Variants in UNC5C observed in about 807,000 individuals in gnomAD.
UNC5C encodes unc-5 netrin receptor C, also known as netrin receptor UNC5C.
Under a neutral mutation model 99.8 loss-of-function variants are expected in UNC5C, and 47 were observed. That is an observed-to-expected ratio of 0.47 (90% CI 0.37 to 0.60). UNC5C has a LOEUF of 0.60. Among genes scored for constraint, UNC5C ranks in the 20% least tolerant of loss-of-function variants. The probability of loss-of-function intolerance (pLI) is 0.00; values close to 1 mark genes in which losing one functional copy is unlikely to be tolerated. For synonymous variants in UNC5C, 487 were observed against 452.2 expected (o/e 1.08, Z -0.98); for missense variants, 1,062 against 1,165.9 (o/e 0.91, Z 1.30).
intron 1 of UNC5C, among the ~76,000 whole-genome samples, chr4:95,503,418 C>A (rs768277520): frequency 3.3e-5 from 5 of 152,062 alleles, no homozygotes; most frequent in African/African-American, 4.8e-5. Context: ...ATATGTCACC[C>A]ATTTTCTTCA....
chr4:95,312,273 T>G (rs761455756), intron 2 of UNC5C, among the ~76,000 whole-genome samples: 75 of 152,112 alleles, frequency 4.9e-4, no homozygotes, highest in Non-Finnish European at 8.4e-4. Context: ...AGACTAGAGA[T>G]AAAATAGTTG....
chr4:95,333,066 A>G (rs1385656692), intron 2 of UNC5C, among the ~76,000 whole-genome samples: 2 of 152,170 alleles, frequency 1.3e-5, no homozygotes, highest in African/African-American at 4.8e-5. Flanking sequence ...AAAAGTCAGG[A>G]AGCAGTAGGT....
At chr4:95,509,221 C>A (rs953733165) in intron 1 of UNC5C, among the ~76,000 whole-genome samples, 1 of 151,510 alleles carries the variant, frequency 6.6e-6, no homozygotes, top group African/African-American at 2.4e-5. Flanking sequence ...TTTCTAGTAA[C>A]CATACATTTT....
At chr4:95,221,908 C>G (rs897593747) in intron 7 of UNC5C, among the ~76,000 whole-genome samples, 13 of 152,204 alleles carry the variant, frequency 8.5e-5, no homozygotes, top group African/African-American at 2.6e-4. Context: ...TTTTTTCAAC[C>G]CTTTCTGTTT....
intron 1 of UNC5C, among the ~76,000 whole-genome samples, chr4:95,517,242 C>T (rs1722241505): frequency 6.6e-6 from 1 of 152,160 alleles, no homozygotes; most frequent in African/African-American, 2.4e-5. Flanking sequence ...CAGAAAATCC[C>T]TGCTTCCTCC....
Position 95,447,381 on chromosome 4 carries a change from C to A in UNC5C, c.124+101353G>T, listed in dbSNP as rs368890926. On this transcript the variant is annotated intron_variant, in intron 1 of 15. Transcript: ENST00000453304. ...TTCAAAACTTCACTGAGACAAGGGC[C>A]CTGATTTATAGACAAGGAAAGTTAT... 7.9e-5 allele frequency among the ~76,000 whole-genome samples: 12 copies of A among 152,132 alleles called. No homozygotes were observed. In the East Asian group the frequency reaches 2.3e-3, roughly 29 times the overall value.
At chr4:95,199,912 A>G (rs1051367488) in intron 12 of UNC5C, among the ~76,000 whole-genome samples, 5 of 152,238 alleles carry the variant, frequency 3.3e-5, no homozygotes, top group African/African-American at 1.2e-4. Flanking sequence ...GGAATATAAA[A>G]GAAATAACCT....
chr4:95,427,273 A>T (rs1746511758), intron 1 of UNC5C, among the ~76,000 whole-genome samples: 1 of 152,214 alleles, frequency 6.6e-6, no homozygotes, highest in Non-Finnish European at 1.5e-5. Context: ...AGATGCTGTG[A>T]ATATTGTTGA....
chr4:95,440,027 C>T (rs1269015393), intron 1 of UNC5C, among the ~76,000 whole-genome samples: 4 of 152,190 alleles, frequency 2.6e-5, no homozygotes, highest in Non-Finnish European at 1.5e-5. Flanking sequence ...TTCTCTCCTG[C>T]ATTTTGTGCA....
chr4:95,337,157 A>T (rs1380383848), intron 1 of UNC5C, among the ~76,000 whole-genome samples: 4 of 152,032 alleles, frequency 2.6e-5, no homozygotes, highest in Admixed American at 2.6e-4. Flanking sequence ...TCCGCAAAAC[A>T]TGACTCAAAT....
rs530014005 is a variant in UNC5C, at chr4:95,327,092, G to T, written c.346+8318C>A. ...GACTTAATGTATTCTAACATTTCTTGCTATTAAGAACCACTAAGTCCCCAA... is the reference window on the plus strand; with the variant it reads ...GACTTAATGTATTCTAACATTTCTTTCTATTAAGAACCACTAAGTCCCCAA... On this transcript the variant is annotated intron_variant, in intron 2 of 15. Coordinates refer to ENST00000453304, the MANE Select transcript of UNC5C (RefSeq NM_003728.4). 3.9e-5 allele frequency among the ~76,000 whole-genome samples: 6 copies of T among 152,128 alleles called. No individual in the cohort carries two copies. In the East Asian group the frequency reaches 1.2e-3, roughly 29 times the overall value.
At chr4:95,285,364 G>A (rs182934537) in intron 3 of UNC5C, among the ~76,000 whole-genome samples, 130 of 152,154 alleles carry the variant, frequency 8.5e-4, no homozygotes, top group Admixed American at 1.9e-3. Context: ...TAAATGATAT[G>A]TTACATTATT....
chr4:95,214,402 C>T (rs2571038), intron 10 of UNC5C, among the ~76,000 whole-genome samples: 77,030 of 152,074 alleles, frequency 0.51, 20,778 homozygotes, highest in Middle Eastern at 0.73. Flanking sequence ...GTAGGCATAG[C>T]AAGGAGTGAT....
rs76150029 is a variant in UNC5C, at chr4:95,260,692, C to A, written c.595-10025G>T. ...ATGTGACCTTGAGGGGAAGAGGGCA[C>A]CTTGTACTCCCTAATGCAAATCATG... On this transcript the variant is annotated intron_variant, in intron 4 of 15. Transcript: ENST00000453304. 9.7e-3 allele frequency among the ~76,000 whole-genome samples: 1,469 copies of A among 152,168 alleles called. 17 individuals carry two copies. Among genetic ancestry groups the A allele is most frequent in the Non-Finnish European group, 0.011 (779 of 68,014 alleles).
At chr4:95,453,193 G>A (rs567061281) in intron 1 of UNC5C, among the ~76,000 whole-genome samples, 1 of 152,200 alleles carries the variant, frequency 6.6e-6, no homozygotes, top group South Asian at 2.1e-4. Flanking sequence ...AGGTGCTGGG[G>A]GTGGGTTGAG....
At position 95,202,964 on chromosome 4, in the gene UNC5C, C is replaced by G; in HGVS notation, c.1903G>C (p.Asp635His). 1 of 1,614,012 alleles carries G rather than the reference C, an allele frequency of 6.2e-7. No individual in the cohort carries two copies. The highest frequency in any genetic ancestry group is 8.5e-7 in the Non-Finnish European group (1 of 1,179,998). ...KNQAAQGQWE[D>H]VVVVGEENFT... The stretch of plus-strand genomic sequence containing the variant: ...TTTTCCTCCCCGACCACCACCACAT[C>G]CTGGGGGACAAGAGGGAAGGGCCAT... The change falls in exon 12 of 16, where the codon GAT becomes CAT. Residue 635 changes from aspartate (D) to histidine (H), a missense_variant and splice_region_variant. Physicochemically the swap from Asp to His is moderately conservative, Grantham distance 81. Around this residue, in one of 3 missense-constraint regions of UNC5C, gnomAD observed 810 missense variants for 854.5 expected, o/e 0.95. Transcript: ENST00000453304.
chr4:95,463,758 A>T lies in UNC5C; in HGVS notation c.124+84976T>A, dbSNP rs117912452. Among the ~76,000 whole-genome samples the T allele has an allele frequency of 1.6e-4, 25 of 152,306 alleles. No individual in the cohort carries two copies. In the East Asian group the frequency reaches 4.2e-3, roughly 26 times the overall value. On this transcript the variant is annotated intron_variant, in intron 1 of 15. Coordinates refer to ENST00000453304, the MANE Select transcript of UNC5C (RefSeq NM_003728.4). ...ATTTAACCATCAATTCATTTATTCA[A>T]TAGAACTGTTGACTCCTTATTTTCA...
chr4:95,198,566 AAGAC>A (rs3836572), intron 12 of UNC5C, among the ~76,000 whole-genome samples: 115,583 of 151,700 alleles, frequency 0.76, 44,403 homozygotes, highest in Middle Eastern at 0.89. Context: ...AATGGATGGA[AAGAC>A]AGACCACAAG....
At chr4:95,455,016 A>C (rs1202868283) in intron 1 of UNC5C, among the ~76,000 whole-genome samples, 2 of 152,132 alleles carry the variant, frequency 1.3e-5, no homozygotes, top group African/African-American at 4.8e-5. Flanking sequence ...AATAATAAGA[A>C]ATTATACTGC....
Sources: allele counts gnomAD v4.1 joint callset (sites outside exome capture counted in the v4.1 genomes callset), GRCh38; gene constraint gnomAD v4.1.1; regional missense constraint gnomAD v4.1.1; transcripts MANE v1.5; gene names NCBI Gene and HGNC (gene_info 2026-07-23, HGNC 2026-07-21).